The following STMN2 variants were observed in gnomAD, a reference collection of about 807,000 sequenced individuals.
The protein encoded by STMN2 is stathmin-2.
Under a neutral mutation model 24.1 loss-of-function variants are expected in STMN2, and 2 were observed. The ratio of observed to expected loss-of-function variants is 0.08; its 90% CI spans 0.03 to 0.26. The LOEUF is 0.26. Among genes scored for constraint, STMN2 ranks in the 10% least tolerant of loss-of-function variants. The pLI, the probability that STMN2 is intolerant of heterozygous loss-of-function variation, is 1.00. For missense variants in STMN2, 114 were observed against 213.6 expected, an observed-to-expected ratio of 0.53 and a Z score of 2.91; for synonymous variants, 83 against 77.5, an observed-to-expected ratio of 1.07 and a Z score of -0.37.
intron 1 of STMN2, among the ~76,000 whole-genome samples, chr8:79,622,887 GTTCT>G (rs1438744123): frequency 6.6e-6 from 1 of 151,964 alleles, no homozygotes; most frequent in African/African-American, 2.4e-5. Flanking sequence ...AGAACCTCTC[GTTCT>G]TTCTTAACAT....
At chr8:79,642,322 G>C (rs1174569487) in intron 3 of STMN2, among the ~76,000 whole-genome samples, 5 of 152,258 alleles carry the variant, frequency 3.3e-5, no homozygotes, top group Admixed American at 2.0e-4. Context: ...AAATCCTAGG[G>C]ACTGTGTACA....
intron 2 of STMN2, among the ~76,000 whole-genome samples, chr8:79,641,120 G>T (rs2029821): frequency 6.6e-6 from 1 of 152,026 alleles, no homozygotes; most frequent in Non-Finnish European, 1.5e-5. Flanking sequence ...TATGCTTACC[G>T]TTATTCAACT....
rs535073732 is a variant in STMN2, at chr8:79,612,608, T to A, written c.19+1394T>A. Among the ~76,000 whole-genome samples, 4 of 152,302 alleles carry A rather than the reference T, an allele frequency of 2.6e-5. No homozygotes were observed. The East Asian group carries it at 7.7e-4, about 29-fold the overall frequency. On this transcript the variant is annotated intron_variant, in intron 1 of 4. Transcript: ENST00000220876. ...TCAGGGCCTTCATCCGCAATTGGTCTTGTGCCTTGAGTGCCCACGGTTCTG... is the reference window on the plus strand; with the variant it reads ...TCAGGGCCTTCATCCGCAATTGGTCATGTGCCTTGAGTGCCCACGGTTCTG...
At chr8:79,654,789 A>G (rs1810411857) in intron 3 of STMN2, 82 bp from the exon 4 acceptor site, 3 of 1,447,474 alleles carry the variant, frequency 2.1e-6, no homozygotes, top group Admixed American at 4.3e-5. Flanking sequence ...TCTGAAAAGA[A>G]TGCTCCCTCC....
intron 1 of STMN2, among the ~76,000 whole-genome samples, chr8:79,636,185 A>G (rs544627513): frequency 6.6e-6 from 1 of 152,224 alleles, no homozygotes; most frequent in Admixed American, 6.5e-5. Context: ...CCACTGCACT[A>G]CAGCCTGGGT....
chr8:79,623,064 G>C (rs932479422), intron 1 of STMN2, among the ~76,000 whole-genome samples: 1 of 152,034 alleles, frequency 6.6e-6, no homozygotes, highest in Non-Finnish European at 1.5e-5. Flanking sequence ...GGATCCTCCC[G>C]TTGCTTTCTT....
At chr8:79,628,263 A>C (rs1372286636) in intron 1 of STMN2, among the ~76,000 whole-genome samples, 1 of 151,936 alleles carries the variant, frequency 6.6e-6, no homozygotes, top group Non-Finnish European at 1.5e-5. Context: ...TCCTGGGTTC[A>C]AGCAATTTTC....
chr8:79,654,952 A>G lies in STMN2; in HGVS notation c.370A>G (p.Asn124Asp). The G allele has an allele frequency of 6.2e-7, 1 of 1,614,050 alleles. No individual in the cohort carries two copies. Among genetic ancestry groups the G allele is most frequent in the Non-Finnish European group, 8.5e-7 (1 of 1,179,962 alleles). ...REVLQKALEE[N>D]NNFSKMAEEK... Reference sequence around the variant, plus strand: ...AGTCCTTCAGAAGGCTTTGGAGGAGAACAACAACTTCAGCAAGATGGCGGA... The same window carrying G: ...AGTCCTTCAGAAGGCTTTGGAGGAGGACAACAACTTCAGCAAGATGGCGGA... Residue 124 changes from asparagine (N) to aspartate (D), a missense_variant, in exon 4 of 5, where the codon AAC (asparagine) becomes GAC (aspartate). Asn to Asp is a conservative substitution (Grantham distance 23). Coordinates refer to ENST00000220876, the MANE Select transcript of STMN2 (RefSeq NM_007029.4).
Position 79,627,221 on chromosome 8 carries a change from C to T in STMN2, c.20-9581C>T, listed in dbSNP as rs146229241. Among the ~76,000 whole-genome samples the T allele has an allele frequency of 2.5e-3, 374 of 152,272 alleles. 1 individual carries two copies. Among genetic ancestry groups the T allele is most frequent in the African/African-American group, 8.3e-3 (347 of 41,562 alleles). The stretch of plus-strand genomic sequence containing the variant: ...AAAATAGGACATAAAGGGGAGCCAA[C>T]GTGTGCCTTCATTTATAATGTATTC... On this transcript the variant is annotated intron_variant, in intron 1 of 4. Transcript: ENST00000220876.
intron 1 of STMN2, among the ~76,000 whole-genome samples, chr8:79,618,567 G>A (rs1177504469): frequency 6.6e-6 from 1 of 152,064 alleles, no homozygotes; most frequent in Non-Finnish European, 1.5e-5. Context: ...CATCAAAGCA[G>A]GCAGGCAGGC....
At chr8:79,648,967 T>C (rs74444867) in intron 3 of STMN2, among the ~76,000 whole-genome samples, 2,439 of 152,298 alleles carry the variant, frequency 0.016, 74 homozygotes, top group African/African-American at 0.056. Flanking sequence ...TTGAACCAGT[T>C]CAGTGAGATT....
intron 3 of STMN2, among the ~76,000 whole-genome samples, chr8:79,648,488 G>T (rs1047231312): frequency 2.7e-5 from 3 of 112,592 alleles, no homozygotes; most frequent in Admixed American, 2.7e-4. Flanking sequence ...ACGGAGTCTC[G>T]CTCTGCCACT....
At chr8:79,647,213 G>A (rs1170895193) in intron 3 of STMN2, among the ~76,000 whole-genome samples, 1 of 152,040 alleles carries the variant, frequency 6.6e-6, no homozygotes, top group Non-Finnish European at 1.5e-5. Context: ...ATCTTACCAT[G>A]ATTATAATCA....
chr8:79,660,981 G>T (rs926865825), intron 4 of STMN2, among the ~76,000 whole-genome samples: 27 of 152,042 alleles, frequency 1.8e-4, no homozygotes, highest in African/African-American at 5.6e-4. Flanking sequence ...ACACTATTTA[G>T]TTCCTTTTTA....
chr8:79,663,672 T>A (rs79151964), intron 4 of STMN2: 56,422 of 1,507,970 alleles, frequency 0.037, 1,231 homozygotes, highest in East Asian at 0.046. Context: ...GTAAGCAACA[T>A]TCTACAGAAA....
chr8:79,636,976 C>G, intron 2 of STMN2, 79 bp downstream of exon 2: 1 of 1,296,258 alleles, frequency 7.7e-7, no homozygotes, highest in Non-Finnish European at 1.1e-6. Context: ...CTTACAGCTC[C>G]TGATATAATT....
intron 1 of STMN2, among the ~76,000 whole-genome samples, chr8:79,624,194 C>G (rs969375984): frequency 6.6e-6 from 1 of 152,052 alleles, no homozygotes; most frequent in African/African-American, 2.4e-5. Flanking sequence ...GTGGCTCACA[C>G]CTGTAATCCC....
At chr8:79,612,011 C>T (rs537173105) in intron 1 of STMN2, among the ~76,000 whole-genome samples, 5 of 152,148 alleles carry the variant, frequency 3.3e-5, no homozygotes, top group Admixed American at 6.5e-5. Context: ...GGGGGAGGCA[C>T]CTGCAGCGCT....
At chr8:79,662,490 C>G (rs921184286) in intron 4 of STMN2, among the ~76,000 whole-genome samples, 1 of 152,024 alleles carries the variant, frequency 6.6e-6, no homozygotes, top group Non-Finnish European at 1.5e-5. Context: ...TGCATGACTG[C>G]CTTTTGTTCT....
Sources: allele counts gnomAD v4.1 joint callset (sites outside exome capture counted in the v4.1 genomes callset), GRCh38; gene constraint gnomAD v4.1.1; transcripts MANE v1.5; gene names NCBI Gene and HGNC (gene_info 2026-07-23, HGNC 2026-07-21).